Variants in SDHA observed in about 807,000 individuals in gnomAD.
SDHA encodes succinate dehydrogenase complex flavoprotein subunit A.
In SDHA, 48 loss-of-function variants were observed where a neutral mutation model predicts 78.4. The observed-to-expected ratio is 0.61, with a 90% CI of 0.49 to 0.78. The LOEUF (loss-of-function observed/expected upper bound fraction) is 0.78, where lower values mean the gene tolerates loss of function less well. Ranked by LOEUF, SDHA falls within the 30% of genes least tolerant of loss-of-function variation. The pLI, the probability that SDHA is intolerant of heterozygous loss-of-function variation, is 0.00. For missense variants in SDHA, 680 were observed against 892.7 expected (o/e 0.76, Z 3.04); for synonymous variants, 326 against 353.9 (o/e 0.92, Z 0.88).
At chr5:239,886 C>T (rs1736035301) in intron 10 of SDHA, among the ~76,000 whole-genome samples, 1 of 151,828 alleles carries the variant, frequency 6.6e-6, no homozygotes, top group Non-Finnish European at 1.5e-5. Flanking sequence ...TCTCATGCCT[C>T]AGCCTCCCGA....
rs748121363 is a variant in SDHA, at chr5:225,483, C to G, written c.377C>G (p.Thr126Ser). Residue 126 changes from threonine (T) to serine (S), a missense_variant, in exon 4 of 15, where the codon ACC becomes AGC. Thr to Ser is a moderately conservative substitution (Grantham distance 58). Transcript: ENST00000264932. ...AACTGGAGGTGGCATTTCTACGACACCGTGAAGGGCTCCGACTGGCTGGGG... is the reference window on the plus strand; with the variant it reads ...AACTGGAGGTGGCATTTCTACGACAGCGTGAAGGGCTCCGACTGGCTGGGG... ...EDNWRWHFYD[T>S]VKGSDWLGDQ... 1 of 1,613,658 alleles carries G rather than the reference C, an allele frequency of 6.2e-7. No homozygotes were observed. Among genetic ancestry groups the G allele is most frequent in the Non-Finnish European group, 8.5e-7 (1 of 1,179,872 alleles).
chr5:226,014 T>C lies in SDHA; in HGVS notation c.588T>C (p.Thr196=), dbSNP rs1278276778. The change falls in exon 5 of 15, where the codon ACT becomes ACC. Residue 196 remains threonine (T), a synonymous_variant. Coordinates refer to ENST00000264932, the MANE Select transcript of SDHA (RefSeq NM_004168.4). ...GGTGCTGCTGTGTGGCTGATCGGAC[T>C]GGCCACTCGCTATTGCACACCTTAT... The part of the protein sequence containing the change: ...AHRCCCVADR[T]GHSLLHTLYG... The C allele has an allele frequency of 6.2e-7, 1 of 1,614,190 alleles. No homozygotes were observed. Among genetic ancestry groups the C allele is most frequent in the Admixed American group, 1.7e-5 (1 of 60,032 alleles).
At chr5:254,536 C>G (rs764449715) in intron 14 of SDHA, 30 bp downstream of exon 14, 2 of 1,528,448 alleles carry the variant, frequency 1.3e-6, no homozygotes, top group Admixed American at 2.0e-5. Flanking sequence ...TCACCACAGC[C>G]CAGCACCCAC....
intron 5 of SDHA, among the ~76,000 whole-genome samples, chr5:227,293 A>T (rs1735091295): frequency 6.6e-6 from 1 of 152,214 alleles, no homozygotes; most frequent in African/African-American, 2.4e-5. Flanking sequence ...TGCAGGCGTG[A>T]GCCACCGCAC....
At chr5:233,981 A>G (rs934038314) in intron 8 of SDHA, 8 of 352,256 alleles carry the variant, frequency 2.3e-5, no homozygotes, top group Non-Finnish European at 4.3e-5. Context: ...GTTTTTTGGC[A>G]GCTTTCAAAG....
chr5:227,502 A>G (rs1253041911), intron 5 of SDHA: 1 of 157,120 alleles, frequency 6.4e-6, no homozygotes, highest in Non-Finnish European at 1.4e-5. Flanking sequence ...TTGTTAGAAC[A>G]CCAGTGACTT....
chr5:257,627 C>CCT (rs1579451071), downstream of SDHA, among the ~76,000 whole-genome samples: 2 of 120,906 alleles, frequency 1.7e-5, no homozygotes, highest in African/African-American at 4.4e-5. Flanking sequence ...CAGAGCATTA[C>CCT]TGGGTGAGCT....
chr5:225,063 A>G (rs1734930270), intron 3 of SDHA, among the ~76,000 whole-genome samples: 1 of 152,144 alleles, frequency 6.6e-6, no homozygotes, highest in Non-Finnish European at 1.5e-5. Context: ...TTTGTTAATA[A>G]AATTATCTGG....
the SDHA span, among the ~76,000 whole-genome samples, chr5:265,437 G>T: frequency 0.095 from 14,412 of 151,946 alleles, 2,174 homozygotes; most frequent in African/African-American, 0.32. Flanking sequence ...ACATGTAATT[G>T]GTCACTCTTG....
the SDHA span, among the ~76,000 whole-genome samples, chr5:263,267 A>G: frequency 6.6e-6 from 1 of 151,858 alleles, no homozygotes; most frequent in Non-Finnish European, 1.5e-5. Flanking sequence ...CAGGTTTTAC[A>G]TTATATTTAG....
chr5:257,391 C>T (rs1232019822), downstream of SDHA, among the ~76,000 whole-genome samples: 2 of 147,500 alleles, frequency 1.4e-5, no homozygotes, highest in Admixed American at 6.7e-5. Flanking sequence ...GTGAGCTCCG[C>T]CCCCTGCCAG....
chr5:228,000 C>G lies in SDHA; in HGVS notation c.622-185C>G, dbSNP rs1447810625. ...GCGTTCTCTAGCACACCTGCCTTGT[C>G]TGTACTGCTCGGCGTGGAATGCCTC... On this transcript the variant is annotated intron_variant, in intron 5 of 14. Coordinates refer to ENST00000264932, the MANE Select transcript of SDHA (RefSeq NM_004168.4). 6.2e-6 allele frequency: 4 copies of G among 640,196 alleles called. No individual in the cohort carries two copies. In the East Asian group the frequency reaches 1.2e-4, roughly 18 times the overall value. 39.7% of individuals were successfully genotyped at this position (640,196 alleles called of 1,614,324 possible).
At chr5:230,267 TA>T (rs1280851004) in intron 6 of SDHA, among the ~76,000 whole-genome samples, 1 of 152,216 alleles carries the variant, frequency 6.6e-6, no homozygotes, top group Admixed American at 6.5e-5. Flanking sequence ...ATAAAAATTT[TA>T]AAATTTTCAT....
At chr5:266,974 T>C in the SDHA span, among the ~76,000 whole-genome samples, 1 of 152,262 alleles carries the variant, frequency 6.6e-6, no homozygotes, top group South Asian at 2.1e-4. Context: ...CAGTGGCAAG[T>C]AGCCTCTGCA....
downstream of SDHA, among the ~76,000 whole-genome samples, chr5:259,917 CGT>C (rs1561020076): frequency 6.3e-4 from 22 of 34,746 alleles, no homozygotes; most frequent in South Asian, 1.3e-3. Flanking sequence ...CTCCGCCTCC[CGT>C]CAGAGCATTA....
At chr5:226,368 A>G (rs1210840015) in intron 5 of SDHA, among the ~76,000 whole-genome samples, 1 of 152,252 alleles carries the variant, frequency 6.6e-6, no homozygotes, top group African/African-American at 2.4e-5. Flanking sequence ...ACAGTGGCTC[A>G]GGTCTGTAAT....
intron 10 of SDHA, among the ~76,000 whole-genome samples, chr5:239,561 A>C (rs1026036471): frequency 2.6e-5 from 1 of 38,536 alleles, no homozygotes; most frequent in African/African-American, 1.0e-4. Flanking sequence ...ATTCCATCTC[A>C]AAAAAAAAAA....
chr5:238,104 G>A (rs889290746), intron 10 of SDHA, among the ~76,000 whole-genome samples: 10 of 148,004 alleles, frequency 6.8e-5, no homozygotes, highest in African/African-American at 1.8e-4. Context: ...CTGAGAAACC[G>A]CCCACGCATG....
In SDHA at chr5:225,462, G is replaced by A. The variant is rs1734957331; in HGVS notation, c.356G>A (p.Trp119Ter). 4 of 1,613,416 alleles carry A rather than the reference G, an allele frequency of 2.5e-6. No homozygotes were observed. Among genetic ancestry groups the A allele is most frequent in the Non-Finnish European group, 3.4e-6 (4 of 1,179,870 alleles). The change falls in exon 4 of 15, where the codon TGG becomes TAG. Residue 119 changes from tryptophan to a stop codon, truncating the protein, a stop_gained. Transcript: ENST00000264932. LOFTEE classifies it high-confidence loss of function. ...AALGNMEEDN[W>*]RWHFYDTVKG... The stretch of plus-strand genomic sequence containing the variant: ...CTGGGGAACATGGAGGAGGACAACT[G>A]GAGGTGGCATTTCTACGACACCGTG...
Sources: gnomAD v4.1 joint callset for allele counts (sites outside exome capture counted in the v4.1 genomes callset) on GRCh38, gnomAD v4.1.1 for gene constraint, MANE v1.5 for transcripts, NCBI Gene and HGNC (gene_info 2026-07-23, HGNC 2026-07-21) for gene names.